KCND3: variants seen among roughly 807,000 people sequenced by gnomAD.
KCND3 encodes the protein potassium voltage-gated channel subfamily D member 3, also known as A-type voltage-gated potassium channel KCND3.
A neutral mutation model predicts 51.1 loss-of-function variants in KCND3; 9 were observed. The observed-to-expected ratio is 0.18, with a 90% confidence interval of 0.11 to 0.31. The LOEUF is 0.31. Ranked by LOEUF, KCND3 falls within the 10% of genes least tolerant of loss-of-function variation. The pLI is 1.00. For missense variants in KCND3, 526 were observed against 903.8 expected (o/e 0.58, Z 5.36); for synonymous variants, 349 against 368.0 (o/e 0.95, Z 0.59).
chr1:111,978,347 C>A (rs1674757737), intron 2 of KCND3, among the ~76,000 whole-genome samples: 1 of 152,162 alleles, frequency 6.6e-6, no homozygotes, highest in African/African-American at 2.4e-5. Flanking sequence ...AGGGAAGGAC[C>A]AGGGAAGGGA....
At chr1:111,939,919 C>T (rs891212782) in intron 2 of KCND3, among the ~76,000 whole-genome samples, 20 of 152,148 alleles carry the variant, frequency 1.3e-4, no homozygotes, top group African/African-American at 4.6e-4. Context: ...TAATGATCGC[C>T]ATTCTAACTG....
At chr1:111,980,872 G>A (rs1271412885) in intron 2 of KCND3, among the ~76,000 whole-genome samples, 1 of 152,154 alleles carries the variant, frequency 6.6e-6, no homozygotes, top group African/African-American at 2.4e-5. Context: ...CCGAGCACCT[G>A]TCCCTCCTTC....
chr1:111,878,822 C>T (rs1669176401), intron 2 of KCND3, among the ~76,000 whole-genome samples: 1 of 152,116 alleles, frequency 6.6e-6, no homozygotes, highest in Non-Finnish European at 1.5e-5. Flanking sequence ...CACAGGGTGC[C>T]CAGGTATTTG....
At chr1:111,856,208 T>C (rs1315756311) in intron 2 of KCND3, among the ~76,000 whole-genome samples, 1 of 152,090 alleles carries the variant, frequency 6.6e-6, no homozygotes, top group Non-Finnish European at 1.5e-5. Flanking sequence ...CCACAGTAAG[T>C]TTGGTGAGGG....
intron 2 of KCND3, among the ~76,000 whole-genome samples, chr1:111,898,587 G>T (rs546032426): frequency 6.6e-6 from 1 of 152,204 alleles, no homozygotes; most frequent in Non-Finnish European, 1.5e-5. Flanking sequence ...TAAGTGAAAT[G>T]AAAACTCAAA....
intron 2 of KCND3, among the ~76,000 whole-genome samples, chr1:111,875,499 T>C (rs1669009648): frequency 6.6e-6 from 1 of 151,984 alleles, no homozygotes; most frequent in South Asian, 2.1e-4. Context: ...AACCAAAGAG[T>C]GAGGTTTCCA....
intron 2 of KCND3, among the ~76,000 whole-genome samples, chr1:111,970,130 C>A (rs557002856): frequency 2.5e-4 from 38 of 152,156 alleles, no homozygotes; most frequent in African/African-American, 9.2e-4. Flanking sequence ...GATTCTCCTG[C>A]CTCAGCCTGC....
At chr1:111,804,341 A>G (rs1665463895) in intron 2 of KCND3, among the ~76,000 whole-genome samples, 1 of 152,230 alleles carries the variant, frequency 6.6e-6, no homozygotes, top group African/African-American at 2.4e-5. Context: ...GGGTTGCTGC[A>G]GGGCTAGCAG....
At chr1:111,883,601 CT>C (rs1366909273) in intron 2 of KCND3, among the ~76,000 whole-genome samples, 7 of 152,190 alleles carry the variant, frequency 4.6e-5, no homozygotes, top group African/African-American at 1.7e-4. Context: ...AGAAACAAAG[CT>C]AAGTATCTGT....
chr1:111,955,352 T>C (rs1267630706), intron 2 of KCND3, among the ~76,000 whole-genome samples: 1 of 152,118 alleles, frequency 6.6e-6, no homozygotes, highest in African/African-American at 2.4e-5. Context: ...AGGTTGGGGC[T>C]GCAGTGAGCC....
intron 2 of KCND3, among the ~76,000 whole-genome samples, chr1:111,935,967 C>G (rs1173745350): frequency 6.6e-6 from 1 of 152,230 alleles, no homozygotes; most frequent in African/African-American, 2.4e-5. Flanking sequence ...CTCTGCAAGA[C>G]TGGTTTATAA....
At position 111,866,902 on chromosome 1, in the gene KCND3, T is replaced by A. The variant is rs191800209; in HGVS notation, c.1107-79796A>T. 3.3e-3 allele frequency among the ~76,000 whole-genome samples: 499 copies of A among 152,330 alleles called. 7 individuals are homozygous for A. The highest frequency in any genetic ancestry group is 0.012 in the African/African-American group (488 of 41,576). On this transcript the variant is annotated intron_variant, in intron 2 of 7. Coordinates refer to ENST00000302127, the MANE Select transcript of KCND3 (RefSeq NM_001378969.1). Reference sequence around the variant, plus strand: ...AATCACCAGTGCCAGCACCATTGGATTAAATATGCAGCTTCCCAAGGAAGC... The same window carrying A: ...AATCACCAGTGCCAGCACCATTGGAATAAATATGCAGCTTCCCAAGGAAGC...
At chr1:111,844,723 A>G (rs1036086411) in intron 2 of KCND3, among the ~76,000 whole-genome samples, 2 of 152,248 alleles carry the variant, frequency 1.3e-5, no homozygotes, top group Middle Eastern at 3.4e-3. Context: ...TTTGGCATAC[A>G]CACAGCACAC....
intron 2 of KCND3, among the ~76,000 whole-genome samples, chr1:111,867,922 G>A (rs1185924590): frequency 6.6e-6 from 1 of 152,180 alleles, no homozygotes; most frequent in East Asian, 1.9e-4. Context: ...CAAACAAGGT[G>A]ACATGGAGGA....
At chr1:111,856,214 G>A (rs1364091968) in intron 2 of KCND3, among the ~76,000 whole-genome samples, 2 of 152,244 alleles carry the variant, frequency 1.3e-5, no homozygotes, top group Non-Finnish European at 2.9e-5. Flanking sequence ...TAAGTTTGGT[G>A]AGGGCATGGA....
At position 111,903,019 on chromosome 1, in the gene KCND3, C is replaced by T. The variant is rs560871872; in HGVS notation, c.1106+78602G>A. ...AAGTGTTTACACACATACATATAGG[C>T]TGTAGGAGCTCAAAAACAGATTCTG... On this transcript the variant is annotated intron_variant, in intron 2 of 7. Coordinates refer to ENST00000302127, the MANE Select transcript of KCND3 (RefSeq NM_001378969.1). 2.0e-5 allele frequency among the ~76,000 whole-genome samples: 3 copies of T among 152,250 alleles called. No individual in the cohort carries two copies. In the East Asian group the frequency reaches 5.8e-4, roughly 29 times the overall value.
At chr1:111,933,065 G>C (rs947736552) in intron 2 of KCND3, among the ~76,000 whole-genome samples, 6 of 152,172 alleles carry the variant, frequency 3.9e-5, no homozygotes, top group Non-Finnish European at 7.3e-5. Flanking sequence ...TATGGGGGCG[G>C]TTTCCCCCAT....
chr1:111,893,348 G>T (rs570539827), intron 2 of KCND3, among the ~76,000 whole-genome samples: 2 of 152,244 alleles, frequency 1.3e-5, no homozygotes, highest in South Asian at 2.1e-4. Context: ...CTAGGAGTTT[G>T]CTGGGAACCA....
At chr1:111,893,886 G>A (rs1669973635) in intron 2 of KCND3, among the ~76,000 whole-genome samples, 1 of 152,166 alleles carries the variant, frequency 6.6e-6, no homozygotes, top group African/African-American at 2.4e-5. Context: ...GTAGGTTTGA[G>A]TTCCCTGCAG....
Sources: allele counts gnomAD v4.1 joint callset (sites outside exome capture counted in the v4.1 genomes callset), GRCh38; gene constraint gnomAD v4.1.1; transcripts MANE v1.5; gene names NCBI Gene and HGNC (gene_info 2026-07-23, HGNC 2026-07-21).